Variants in AK3 observed in about 807,000 individuals in gnomAD.
AK3 encodes the protein GTP:AMP phosphotransferase AK3, mitochondrial.
Under a neutral mutation model 23.7 loss-of-function variants are expected in AK3, and 27 were observed. The ratio of observed to expected loss-of-function variants is 1.14; its 90% CI spans 0.84 to 1.57. The LOEUF (loss-of-function observed/expected upper bound fraction) is 1.57. Among genes scored for constraint, AK3 ranks in the 40% most tolerant of loss-of-function variants. AK3 has a pLI of 0.00. For synonymous variants in AK3, 159 were observed against 116.0 expected (o/e 1.37, Z -2.38); for missense variants, 406 against 285.6 (o/e 1.42, Z -3.04).
At position 4,741,082 on chromosome 9, in the gene AK3, C is replaced by A. The variant is rs749089910; in HGVS notation, c.6G>T (p.Gly2=). ...CCGCTCGCAGCAGCCGCGCGGACGC[C>A]CCCATGGCCGCAGACTGAGGCCCGC... is the stretch of plus-strand genomic sequence containing the variant. M[G]ASARLLRAVI... Residue 2 remains glycine (G), a synonymous_variant, in exon 1 of 5, where the codon GGG becomes GGT. Coordinates refer to ENST00000381809, the MANE Select transcript of AK3 (RefSeq NM_016282.4). The A allele has an allele frequency of 6.5e-7, 1 of 1,539,560 alleles. No homozygotes were observed. The highest frequency in any genetic ancestry group is 8.7e-7 in the Non-Finnish European group (1 of 1,144,550).
At chr9:4,724,546 G>A (rs1184243461) in intron 1 of AK3, among the ~76,000 whole-genome samples, 1 of 152,142 alleles carries the variant, frequency 6.6e-6, no homozygotes, top group Non-Finnish European at 1.5e-5. Flanking sequence ...CAGAAAAAAA[G>A]AAGTAAAACT....
At chr9:4,729,796 A>C (rs1444631159) in intron 1 of AK3, among the ~76,000 whole-genome samples, 1 of 150,618 alleles carries the variant, frequency 6.6e-6, no homozygotes, top group Non-Finnish European at 1.5e-5. Flanking sequence ...GCACCACTGC[A>C]CTCCAGCCTT....
intron 1 of AK3, among the ~76,000 whole-genome samples, chr9:4,732,571 T>G (rs969216175): frequency 4.6e-5 from 7 of 152,164 alleles, no homozygotes; most frequent in Non-Finnish European, 1.0e-4. Context: ...AAGCTAATTT[T>G]CTACAAAGTT....
In AK3 at chr9:4,711,606, G is replaced by C. The variant is rs1454612366; in HGVS notation, c.*1370C>G. On this transcript the variant is annotated 3_prime_UTR_variant, in exon 5 of 5. Transcript: ENST00000381809. Reference sequence around the variant, plus strand: ...GGAACAGATTTTTAAAGGCAATAACGACTTGTAAGACGGCTTGTTTCATTT... The same window carrying C: ...GGAACAGATTTTTAAAGGCAATAACCACTTGTAAGACGGCTTGTTTCATTT... 1.3e-5 allele frequency: 2 copies of C among 152,248 alleles called. No homozygotes were observed. Among genetic ancestry groups the C allele is most frequent in the East Asian group, 3.8e-4 (2 of 5,204 alleles). 9.4% of individuals were successfully genotyped at this position (152,248 alleles called of 1,614,324 possible).
At chr9:4,731,011 A>T (rs76862375) in intron 1 of AK3, among the ~76,000 whole-genome samples, 4,429 of 152,286 alleles carry the variant, frequency 0.029, 207 homozygotes, top group African/African-American at 0.1. Flanking sequence ...TGACTGCCTT[A>T]CTTGGCTGGA....
intron 1 of AK3, among the ~76,000 whole-genome samples, chr9:4,739,411 C>T (rs910675651): frequency 6.6e-6 from 1 of 151,064 alleles, no homozygotes; most frequent in African/African-American, 2.4e-5. Context: ...CCAGGCTGGT[C>T]TAGAACTGCT....
intron 2 of AK3, among the ~76,000 whole-genome samples, chr9:4,720,689 C>CAAA (rs61644070): frequency 0.17 from 23,128 of 140,008 alleles, 2,469 homozygotes; most frequent in East Asian, 0.39. Flanking sequence ...ACACTGTCTC[C>CAAA]AAAAAAAAAA....
chr9:4,725,033 T>C (rs959951139), intron 1 of AK3, among the ~76,000 whole-genome samples: 2 of 150,640 alleles, frequency 1.3e-5, no homozygotes, highest in African/African-American at 2.4e-5. Context: ...TTTTTTTTTT[T>C]TTTTTTGAGA....
intron 1 of AK3, among the ~76,000 whole-genome samples, chr9:4,737,057 T>C (rs560385017): frequency 6.6e-6 from 1 of 152,036 alleles, no homozygotes; most frequent in East Asian, 2.0e-4. Flanking sequence ...TCACGATTTC[T>C]ACCATAGTTG....
At chr9:4,734,933 A>T (rs10974758) in intron 1 of AK3, among the ~76,000 whole-genome samples, 5,196 of 152,212 alleles carry the variant, frequency 0.034, 295 homozygotes, top group African/African-American at 0.12. Flanking sequence ...CATTTGTATG[A>T]AATGTCCAGT....
chr9:4,728,237 C>T (rs957720779), intron 1 of AK3, among the ~76,000 whole-genome samples: 3 of 152,182 alleles, frequency 2.0e-5, no homozygotes, highest in African/African-American at 7.2e-5. Context: ...AAAAAAGATA[C>T]AGTACCTGTG....
chr9:4,735,484 T>TTC (rs1777509585), intron 1 of AK3, among the ~76,000 whole-genome samples: 1 of 117,010 alleles, frequency 8.5e-6, no homozygotes, highest in African/African-American at 3.7e-5. Flanking sequence ...ATATATTTTT[T>TTC]TTTTTTTTTT....
chr9:4,740,917 C>A lies in AK3; in HGVS notation c.151+20G>T. On this transcript the variant is annotated intron_variant, in intron 1 of 4. Coordinates refer to ENST00000381809, the MANE Select transcript of AK3 (RefSeq NM_016282.4). ...ACCCGGGTGACAGCGCACGGCCGGC[C>A]CTGGGCCCAGAGCTCCCACCTGTGC... 6.5e-7 allele frequency: 1 copy of A among 1,535,214 alleles called. No individual in the cohort carries two copies. The highest frequency in any genetic ancestry group is 8.8e-7 in the Non-Finnish European group (1 of 1,140,900).
chr9:4,731,875 C>G (rs908029668), intron 1 of AK3, among the ~76,000 whole-genome samples: 1 of 152,184 alleles, frequency 6.6e-6, no homozygotes, highest in African/African-American at 2.4e-5. Context: ...GTCTACTTGA[C>G]ATGAAGACAA....
upstream of AK3, among the ~76,000 whole-genome samples, chr9:4,741,525 A>G (rs1842436103): frequency 6.7e-6 from 1 of 149,138 alleles, no homozygotes; most frequent in Non-Finnish European, 1.5e-5. Context: ...CGACCCCGGA[A>G]CCCCGCGCCC....
intron 1 of AK3, among the ~76,000 whole-genome samples, chr9:4,723,541 T>C (rs897133679): frequency 2.0e-5 from 3 of 152,338 alleles, no homozygotes; most frequent in South Asian, 2.1e-4. Context: ...TCTTATGCAA[T>C]AGTATTTTAA....
chr9:4,718,969 C>T (rs557197640), intron 3 of AK3, among the ~76,000 whole-genome samples, 166 bp downstream of exon 3: 55 of 152,270 alleles, frequency 3.6e-4, no homozygotes, highest in African/African-American at 1.2e-3. Context: ...GGCAACCTTT[C>T]GCACCAAGCT....
chr9:4,740,870 G>C (rs1362799968), intron 1 of AK3, 67 bp downstream of exon 1: 26 of 1,396,120 alleles, frequency 1.9e-5, no homozygotes, highest in South Asian at 9.7e-5. Context: ...GCCCAGCTTC[G>C]GCCCCTCGCC....
At chr9:4,731,108 C>T (rs1304099501) in intron 1 of AK3, among the ~76,000 whole-genome samples, 2 of 152,016 alleles carry the variant, frequency 1.3e-5, no homozygotes, top group African/African-American at 4.8e-5. Flanking sequence ...TTTTATTGTT[C>T]TTGTTGTTGT....
Sources: allele counts gnomAD v4.1 joint callset (sites outside exome capture counted in the v4.1 genomes callset), GRCh38; gene constraint gnomAD v4.1.1; transcripts MANE v1.5; gene names NCBI Gene and HGNC (gene_info 2026-07-23, HGNC 2026-07-21).